The following PRMT9 variants were observed in gnomAD, a reference collection of about 807,000 sequenced individuals.
PRMT9 encodes the protein protein arginine methyltransferase 9.
PRMT9 carries 59 observed loss-of-function variants against 83.2 expected under a neutral mutation model. The observed-to-expected ratio is 0.71, with a 90% CI of 0.57 to 0.88. The LOEUF (loss-of-function observed/expected upper bound fraction) is 0.88, where lower values mean the gene tolerates loss of function less well. Ranked by LOEUF, PRMT9 falls within the 40% of genes least tolerant of loss-of-function variation. The pLI, the probability that PRMT9 is intolerant of heterozygous loss-of-function variation, is 0.00. For synonymous variants in PRMT9, 333 were observed against 353.2 expected (o/e 0.94, Z 0.64); for missense variants, 947 against 1,021.9 (o/e 0.93, Z 1.00).
chr4:147,671,268 T>C (rs1735712656), intron 4 of PRMT9, among the ~76,000 whole-genome samples: 1 of 152,220 alleles, frequency 6.6e-6, no homozygotes, highest in South Asian at 2.1e-4. Context: ...CTACCTTCTA[T>C]GATACTGCAT....
intron 2 of PRMT9, among the ~76,000 whole-genome samples, chr4:147,676,587 T>C (rs1200169177): frequency 2.6e-5 from 4 of 152,344 alleles, no homozygotes; most frequent in East Asian, 3.8e-4. Flanking sequence ...TAACATACTC[T>C]ACAATTAAAA....
At chr4:147,655,253 C>T (rs916555782) in intron 8 of PRMT9, among the ~76,000 whole-genome samples, 1 of 152,202 alleles carries the variant, frequency 6.6e-6, no homozygotes, top group African/African-American at 2.4e-5. Flanking sequence ...GCCTCCAACT[C>T]CTGGGCTCAA....
chr4:147,668,752 G>C, intron 5 of PRMT9, 107 bp from the exon 6 acceptor site: 1 of 753,744 alleles, frequency 1.3e-6, no homozygotes, highest in Non-Finnish European at 2.2e-6. Flanking sequence ...AAGACAATAA[G>C]TAAGGATAAA....
intron 5 of PRMT9, 118 bp from the exon 6 acceptor site, chr4:147,668,763 G>A: frequency 1.4e-6 from 1 of 706,338 alleles, no homozygotes; most frequent in Non-Finnish European, 2.4e-6. Flanking sequence ...TAAGGATAAA[G>A]TAAGTTAAAG....
intron 4 of PRMT9, chr4:147,672,048 A>G: frequency 2.8e-6 from 1 of 355,950 alleles, no homozygotes; most frequent in Non-Finnish European, 5.5e-6. Flanking sequence ...AAAGCTACCC[A>G]GTCTGTGGTA....
intron 7 of PRMT9, among the ~76,000 whole-genome samples, chr4:147,659,110 T>G (rs1734747782): frequency 6.8e-6 from 1 of 147,410 alleles, no homozygotes; most frequent in Non-Finnish European, 1.5e-5. Flanking sequence ...ACCCGGAAGG[T>G]GGAGCTTGCA....
intron 2 of PRMT9, among the ~76,000 whole-genome samples, chr4:147,676,520 G>C (rs1186161159): frequency 6.6e-6 from 1 of 152,112 alleles, no homozygotes; most frequent in Non-Finnish European, 1.5e-5. Flanking sequence ...GATCAGGTTA[G>C]CTGTTAACAT....
chr4:147,663,009 A>ATTTTT (rs1177200944), intron 6 of PRMT9, among the ~76,000 whole-genome samples: 1 of 141,128 alleles, frequency 7.1e-6, no homozygotes, highest in Non-Finnish European at 1.6e-5. Context: ...ACTACTAATA[A>ATTTTT]TTTTTTTTTT....
chr4:147,667,626 T>C (rs1471601572), intron 6 of PRMT9, among the ~76,000 whole-genome samples: 1 of 152,204 alleles, frequency 6.6e-6, no homozygotes, highest in Admixed American at 6.5e-5. Flanking sequence ...AAGTAGTTAC[T>C]TACTGGTGAG....
At chr4:147,652,495 G>C (rs1734174169) in intron 9 of PRMT9, among the ~76,000 whole-genome samples, 1 of 151,582 alleles carries the variant, frequency 6.6e-6, no homozygotes. Flanking sequence ...TTACCTAATT[G>C]TACACATAGG....
intron 10 of PRMT9, among the ~76,000 whole-genome samples, chr4:147,640,459 CCTCT>C (rs1334260163): frequency 6.6e-6 from 1 of 152,046 alleles, no homozygotes; most frequent in Non-Finnish European, 1.5e-5. Flanking sequence ...AGTTCCCAGC[CCTCT>C]CTATCTACAT....
chr4:147,661,100 A>G, intron 6 of PRMT9, 62 bp from the exon 7 acceptor site: 1 of 1,037,082 alleles, frequency 9.6e-7, no homozygotes, highest in Non-Finnish European at 1.5e-6. Context: ...CAAGTAACAT[A>G]TCTAATACTG....
At position 147,656,771 on chromosome 4, in the gene PRMT9, CAAAAAAAAAAAA is replaced by C. The variant is rs1023416920; in HGVS notation, c.1330+1009_1330+1020del. On this transcript the variant is annotated intron_variant, in intron 8 of 11. Coordinates refer to ENST00000322396, the MANE Select transcript of PRMT9 (RefSeq NM_138364.4). ...TGGGCAACAGAGCGAGACTCTGTCT[CAAAAAAAAAAAA>C]AAAAAAAAAAAAGAAAGAAAGAAAA... 1.2e-3 allele frequency among the ~76,000 whole-genome samples: 59 copies of C among 47,958 alleles called. No homozygotes were observed. In the East Asian group the frequency reaches 0.025, roughly 20 times the overall value. The allele number at this position is 47,958 out of a possible 152,430, so 31.5% of individuals were successfully genotyped here.
chr4:147,664,309 C>CAT (rs775082613), intron 6 of PRMT9, among the ~76,000 whole-genome samples: 1 of 152,180 alleles, frequency 6.6e-6, no homozygotes, highest in Non-Finnish European at 1.5e-5. Flanking sequence ...TCAAAATATA[C>CAT]ATATATAGTT....
intron 8 of PRMT9, among the ~76,000 whole-genome samples, chr4:147,656,371 C>T (rs1344831451): frequency 6.6e-6 from 1 of 152,082 alleles, no homozygotes; most frequent in Non-Finnish European, 1.5e-5. Flanking sequence ...TGGCTCACTG[C>T]AGGCTCAGCC....
intron 6 of PRMT9, 139 bp from the exon 7 acceptor site, chr4:147,661,177 T>A: frequency 3.0e-6 from 2 of 656,486 alleles, no homozygotes; most frequent in Non-Finnish European, 5.4e-6. Flanking sequence ...CATAACTACA[T>A]AATACACACA....
intron 1 of PRMT9, among the ~76,000 whole-genome samples, chr4:147,683,536 A>G (rs1736639740): frequency 6.6e-6 from 1 of 152,136 alleles, no homozygotes; most frequent in Non-Finnish European, 1.5e-5. Context: ...CGTAGGTGTG[A>G]ATAAACGAAA....
chr4:147,659,053 C>A (rs995075576), intron 7 of PRMT9, among the ~76,000 whole-genome samples: 1 of 152,078 alleles, frequency 6.6e-6, no homozygotes, highest in Non-Finnish European at 1.5e-5. Flanking sequence ...GTGGCGGGCA[C>A]CTGTAGTCCC....
chr4:147,680,195 T>C (rs1303713854), intron 2 of PRMT9, 128 bp downstream of exon 2: 2 of 861,314 alleles, frequency 2.3e-6, no homozygotes, highest in Non-Finnish European at 3.8e-6. Flanking sequence ...ATATATCTGC[T>C]ATTCTTTTCA....
Sources: allele counts gnomAD v4.1 joint callset (sites outside exome capture counted in the v4.1 genomes callset), GRCh38; gene constraint gnomAD v4.1.1; transcripts MANE v1.5; gene names NCBI Gene and HGNC (gene_info 2026-07-23, HGNC 2026-07-21).